The following IMMT variants were observed in gnomAD, a reference collection of about 807,000 sequenced individuals.
The protein encoded by IMMT is MICOS complex subunit MIC60.
In IMMT, 40 loss-of-function variants were observed where a neutral mutation model predicts 92.7. That is an observed-to-expected ratio of 0.43 (90% CI 0.34 to 0.56). The LOEUF (loss-of-function observed/expected upper bound fraction) is 0.56. IMMT is among the 20% of genes least tolerant of loss of function. The pLI is 0.03. For missense variants in IMMT, 831 were observed against 912.1 expected (o/e 0.91, Z 1.14); for synonymous variants, 322 against 336.1 (o/e 0.96, Z 0.46).
chr2:86,170,309 C>T (rs1676993259), intron 6 of IMMT, among the ~76,000 whole-genome samples: 1 of 152,074 alleles, frequency 6.6e-6, no homozygotes, highest in Non-Finnish European at 1.5e-5. Flanking sequence ...GTCCCAGCTA[C>T]AGAGGAGGCT....
chr2:86,170,519 GTAT>G (rs1346782330), intron 6 of IMMT, among the ~76,000 whole-genome samples: 1 of 152,144 alleles, frequency 6.6e-6, no homozygotes, highest in African/African-American at 2.4e-5. Flanking sequence ...ATAATCTTTA[GTAT>G]TATTTGGAGT....
At chr2:86,147,468 C>T (rs1249809778) in intron 13 of IMMT, among the ~76,000 whole-genome samples, 1 of 152,166 alleles carries the variant, frequency 6.6e-6, no homozygotes, top group East Asian at 1.9e-4. Context: ...TCCTGAAATC[C>T]CCTTTACCAA....
At chr2:86,168,715 G>C (rs771125172) in intron 6 of IMMT, among the ~76,000 whole-genome samples, 2 of 152,074 alleles carry the variant, frequency 1.3e-5, no homozygotes, top group Non-Finnish European at 2.9e-5. Flanking sequence ...AGGAAAAGAA[G>C]CATAAACTAG....
intron 1 of IMMT, among the ~76,000 whole-genome samples, chr2:86,181,959 A>C (rs992678845): frequency 6.6e-6 from 1 of 152,214 alleles, no homozygotes; most frequent in Non-Finnish European, 1.5e-5. Context: ...TTTAAGAAAA[A>C]CATTTTAATT....
intron 12 of IMMT, among the ~76,000 whole-genome samples, chr2:86,149,156 A>G (rs1483768879): frequency 6.6e-6 from 1 of 152,148 alleles, no homozygotes; most frequent in African/African-American, 2.4e-5. Context: ...TAATACAGAG[A>G]CTCTACTTTG....
At chr2:86,167,626 A>G (rs1174165171) in intron 6 of IMMT, among the ~76,000 whole-genome samples, 3 of 151,790 alleles carry the variant, frequency 2.0e-5, no homozygotes, top group Non-Finnish European at 2.9e-5. Context: ...CTGGGACTAC[A>G]GGTGCCTGCC....
chr2:86,162,457 G>A (rs898449796), intron 7 of IMMT, among the ~76,000 whole-genome samples: 2 of 151,150 alleles, frequency 1.3e-5, no homozygotes, highest in Admixed American at 6.6e-5. Context: ...GTTACTCTAA[G>A]GAATTATTCT....
At chr2:86,149,046 T>A (rs1321851447) in intron 12 of IMMT, among the ~76,000 whole-genome samples, 1 of 148,142 alleles carries the variant, frequency 6.8e-6, no homozygotes, top group Non-Finnish European at 1.5e-5. Flanking sequence ...TTTCTACATA[T>A]GACTGAGCAG....
chr2:86,144,963 A>G, intron 14 of IMMT, 82 bp from the exon 15 acceptor site: 3 of 1,455,550 alleles, frequency 2.1e-6, no homozygotes, highest in Admixed American at 4.6e-5. Flanking sequence ...ACATTCAACA[A>G]GCTACATCTA....
Position 86,171,285 on chromosome 2 carries a change from G to A in IMMT, c.482C>T (p.Pro161Leu), listed in dbSNP as rs757228954. 6.2e-7 allele frequency: 1 copy of A among 1,610,404 alleles called. No individual in the cohort carries two copies. Among genetic ancestry groups the A allele is most frequent in the Admixed American group, 1.7e-5 (1 of 59,554 alleles). The change falls in exon 5 of 15, where the codon CCT becomes CTT. Residue 161 changes from proline to leucine, a missense_variant. By Grantham distance (98) the Pro-to-Leu change is moderately conservative. Coordinates refer to ENST00000410111, the MANE Select transcript of IMMT (RefSeq NM_006839.3). ...AAGDTLSVPAPAVQPEESLKT... is the reference protein window; with the variant it reads ...AAGDTLSVPALAVQPEESLKT... ...TAAAGATTCCTCAGGCTGAACTGCA[G>A]GGGCTGGGACCGACAGGGTATCACC...
At chr2:86,146,240 A>G (rs1411672798) in intron 13 of IMMT, 43 bp from the exon 14 acceptor site, 21 of 1,560,632 alleles carry the variant, frequency 1.3e-5, no homozygotes, top group Middle Eastern at 1.7e-4. Flanking sequence ...GTGATACTCA[A>G]TGCATGTCAT....
At chr2:86,170,607 T>G in intron 6 of IMMT, 142 bp downstream of exon 6, 1 of 597,610 alleles carries the variant, frequency 1.7e-6, no homozygotes, top group Non-Finnish European at 3.0e-6. Flanking sequence ...AGGTGATGAA[T>G]AAAGCAATGC....
intron 14 of IMMT, among the ~76,000 whole-genome samples, chr2:86,145,554 T>A (rs1006941529): frequency 8.6e-5 from 13 of 150,874 alleles, no homozygotes; most frequent in African/African-American, 3.2e-4. Flanking sequence ...AACAGACTAC[T>A]GGATCTTGAA....
chr2:86,146,964 T>C (rs775166768), intron 13 of IMMT, among the ~76,000 whole-genome samples: 1 of 152,108 alleles, frequency 6.6e-6, no homozygotes, highest in Non-Finnish European at 1.5e-5. Flanking sequence ...TTTCGCCATG[T>C]TGGGCAGGCT....
intron 9 of IMMT, 38 bp downstream of exon 9, chr2:86,159,498 T>G: frequency 7.1e-7 from 1 of 1,412,410 alleles, no homozygotes. Context: ...GAGATTATAT[T>G]TTAAAATATA....
At chr2:86,144,977 A>G (rs1013014417) in intron 14 of IMMT, 96 bp from the exon 15 acceptor site, 3 of 1,370,394 alleles carry the variant, frequency 2.2e-6, no homozygotes, top group Middle Eastern at 2.7e-4. Context: ...ACATCTACAC[A>G]TGTGCAAGAT....
intron 1 of IMMT, among the ~76,000 whole-genome samples, chr2:86,194,594 G>A (rs1467210848): frequency 6.6e-6 from 1 of 152,164 alleles, no homozygotes; most frequent in Non-Finnish European, 1.5e-5. Context: ...AGTGGAAACA[G>A]GCTTTTTAAT....
At chr2:86,152,305 A>G (rs1022842455) in intron 11 of IMMT, among the ~76,000 whole-genome samples, 1 of 151,898 alleles carries the variant, frequency 6.6e-6, no homozygotes, top group Admixed American at 6.6e-5. Context: ...GCTGGGCATG[A>G]TGGTGGACAC....
At chr2:86,153,463 A>G in intron 11 of IMMT, 97 bp downstream of exon 11, 1 of 625,820 alleles carries the variant, frequency 1.6e-6, no homozygotes, top group Non-Finnish European at 2.7e-6. Context: ...ATCTATTTAG[A>G]TGGCTTTGTG....
Sources: gnomAD v4.1 joint callset for allele counts (sites outside exome capture counted in the v4.1 genomes callset) on GRCh38, gnomAD v4.1.1 for gene constraint, MANE v1.5 for transcripts, NCBI Gene and HGNC (gene_info 2026-07-23, HGNC 2026-07-21) for gene names.